Variants in LIPA observed in about 807,000 individuals in gnomAD.
LIPA encodes the protein lysosomal acid lipase/cholesteryl ester hydrolase.
In LIPA, 26 loss-of-function variants were observed where a neutral mutation model predicts 40.6. The ratio of observed to expected loss-of-function variants is 0.64; its 90% CI spans 0.47 to 0.89. LIPA has a LOEUF of 0.89. Ranked by LOEUF, LIPA falls within the 40% of genes least tolerant of loss-of-function variation. The probability of loss-of-function intolerance (pLI) is 0.00; values close to 1 mark genes in which losing one functional copy is unlikely to be tolerated. For synonymous variants in LIPA, 188 were observed against 168.4 expected (o/e 1.12, Z -0.90); for missense variants, 455 against 479.6 (o/e 0.95, Z 0.48).
At chr10:89,361,058 G>T (rs148786490) in intron 2 of LIPA, among the ~76,000 whole-genome samples, 1 of 152,102 alleles carries the variant, frequency 6.6e-6, no homozygotes, top group Admixed American at 6.5e-5. Context: ...TTGGGTTAGC[G>T]TCCTCCCAAT....
intron 1 of LIPA, chr10:89,305,983 G>A: frequency 1.2e-6 from 2 of 1,612,414 alleles, no homozygotes; most frequent in East Asian, 2.2e-5. Context: ...AGAATTCCTT[G>A]GAGAGCAGCC....
chr10:89,329,153 A>G (rs960734381), intron 1 of LIPA, among the ~76,000 whole-genome samples: 9 of 152,056 alleles, frequency 5.9e-5, no homozygotes, highest in Non-Finnish European at 1.3e-4. Context: ...GGGAGGGAAG[A>G]CCCCATCGAC....
chr10:89,217,932 C>A (rs1224860781), intron 8 of LIPA, among the ~76,000 whole-genome samples: 3 of 152,032 alleles, frequency 2.0e-5, no homozygotes, highest in Non-Finnish European at 2.9e-5. Context: ...TAAATATACA[C>A]AAGGGGTATG....
At chr10:89,255,483 A>G (rs1423823745), upstream of LIPA, among the ~76,000 whole-genome samples, 2 of 152,234 alleles carry the variant, frequency 1.3e-5, no homozygotes, top group African/African-American at 4.8e-5. Flanking sequence ...ACAATTCAAG[A>G]TAATGATTTG....
chr10:89,342,231 G>T (rs1449192111), intron 1 of LIPA, among the ~76,000 whole-genome samples: 1 of 152,108 alleles, frequency 6.6e-6, no homozygotes, highest in Non-Finnish European at 1.5e-5. Flanking sequence ...GATGGAATGG[G>T]ACATACCACT....
chr10:89,381,152 T>C (rs542163252), intron 2 of LIPA, among the ~76,000 whole-genome samples: 3 of 152,312 alleles, frequency 2.0e-5, no homozygotes, highest in African/African-American at 7.2e-5. Context: ...GGTACATATT[T>C]AGAAAGCTTG....
chr10:89,225,623 G>A (rs1453929460), intron 5 of LIPA, among the ~76,000 whole-genome samples: 1 of 152,086 alleles, frequency 6.6e-6, no homozygotes, highest in East Asian at 1.9e-4. Context: ...ACACCACGTT[G>A]AAATAAACCA....
chr10:89,292,029 T>C (rs1433934964), intron 1 of LIPA: 2 of 152,222 alleles, frequency 1.3e-5, no homozygotes, highest in Non-Finnish European at 1.5e-5. Flanking sequence ...GAACTCTGTG[T>C]CCTTGAATCA....
intron 1 of LIPA, among the ~76,000 whole-genome samples, chr10:89,413,394 G>C (rs1841493077): frequency 6.6e-6 from 1 of 152,100 alleles, no homozygotes; most frequent in Middle Eastern, 3.4e-3. Flanking sequence ...TGAGGGGTGG[G>C]GTGCCAGAAG....
At chr10:89,223,653 A>T (rs1842728831) in intron 7 of LIPA, 31 bp downstream of exon 7, 1 of 1,570,232 alleles carries the variant, frequency 6.4e-7, no homozygotes, top group South Asian at 1.1e-5. Flanking sequence ...AGATAAAAAA[A>T]AAAATCAAAT....
chr10:89,312,820 AT>A (rs200106154), intron 1 of LIPA, among the ~76,000 whole-genome samples: 6 of 151,300 alleles, frequency 4.0e-5, no homozygotes, highest in Admixed American at 6.6e-5. Context: ...AAAAAAAAAA[AT>A]AATAATAATA....
In LIPA at chr10:89,367,823, A is replaced by ATT. The variant is rs201475302; in HGVS notation, c.61+44966_61+44967dup. On this transcript the variant is annotated intron_variant, in intron 2 of 8. Coordinates refer to the LIPA transcript ENST00000371837. ...TTCTTTTGTGCCAGAAACAGAAACT[A>ATT]TTTTTTTTTTCCAGAGACAGGGCCT... Among the ~76,000 whole-genome samples, 255 of 149,722 alleles carry ATT rather than the reference A, an allele frequency of 1.7e-3. 5 individuals are homozygous for ATT. In the East Asian group the frequency reaches 0.042, roughly 25 times the overall value.
chr10:89,290,097 G>A (rs1022628182), intron 1 of LIPA, among the ~76,000 whole-genome samples: 1 of 151,822 alleles, frequency 6.6e-6, no homozygotes, highest in Non-Finnish European at 1.5e-5. Flanking sequence ...CTCAAAGATA[G>A]AGCCTAAAAA....
chr10:89,228,242 T>C lies in LIPA; in HGVS notation c.386A>G (p.His129Arg), dbSNP rs1423914418. The change falls in exon 4 of 10, where the codon CAT becomes CGT. Residue 129 changes from histidine to arginine, a missense_variant. Transcript: ENST00000336233. ...NSRGNTWSRK[H>R]KTLSVSQDEF... Reference sequence around the variant, plus strand: ...ATCCTGAGAAACTGAGAGTGTCTTATGTTTCCGAGACCAGGTATTTCCTCT... The same window carrying C: ...ATCCTGAGAAACTGAGAGTGTCTTACGTTTCCGAGACCAGGTATTTCCTCT... The C allele has an allele frequency of 3.7e-6, 6 of 1,614,078 alleles. No homozygotes were observed. The Admixed American group carries it at 1.0e-4, about 27-fold the overall frequency.
intron 3 of LIPA, among the ~76,000 whole-genome samples, chr10:89,230,072 G>A (rs1300727459): frequency 1.3e-5 from 2 of 152,062 alleles, no homozygotes; most frequent in African/African-American, 2.4e-5. Context: ...ACCTGTACCC[G>A]AGACAGTGAT....
intron 1 of LIPA, among the ~76,000 whole-genome samples, chr10:89,294,301 G>A (rs962603081): frequency 6.6e-6 from 1 of 152,134 alleles, no homozygotes; most frequent in Non-Finnish European, 1.5e-5. Context: ...ACCACAGATG[G>A]GCAGATTGGG....
At chr10:89,392,028 C>G (rs983458840) in intron 2 of LIPA, among the ~76,000 whole-genome samples, 1 of 152,062 alleles carries the variant, frequency 6.6e-6, no homozygotes, top group Non-Finnish European at 1.5e-5. Context: ...CAAACCATAC[C>G]TCCTTGCTTT....
intron 2 of LIPA, among the ~76,000 whole-genome samples, chr10:89,407,786 G>A (rs563549006): frequency 1.6e-4 from 24 of 152,166 alleles, no homozygotes; most frequent in Non-Finnish European, 2.4e-4. Flanking sequence ...GATTTTTCTC[G>A]GTCCTCTTTG....
At chr10:89,358,611 G>A (rs1199932687) in intron 2 of LIPA, among the ~76,000 whole-genome samples, 1 of 152,188 alleles carries the variant, frequency 6.6e-6, no homozygotes, top group African/African-American at 2.4e-5. Flanking sequence ...ATGAAATCCT[G>A]TCATTTGCAA....
Sources: allele counts gnomAD v4.1 joint callset (sites outside exome capture counted in the v4.1 genomes callset), GRCh38; gene constraint gnomAD v4.1.1; transcripts MANE v1.5; gene names NCBI Gene and HGNC (gene_info 2026-07-23, HGNC 2026-07-21).